MFAP3L: variants seen among roughly 807,000 people sequenced by gnomAD.
MFAP3L encodes microfibrillar-associated protein 3-like.
Under a neutral mutation model 20.0 loss-of-function variants are expected in MFAP3L, and 5 were observed. The observed-to-expected ratio is 0.25, with a 90% CI of 0.13 to 0.53. The LOEUF is 0.53. Ranked by LOEUF, MFAP3L falls within the 20% of genes least tolerant of loss-of-function variation. The pLI, the probability that MFAP3L is intolerant of heterozygous loss-of-function variation, is 0.96. For synonymous variants in MFAP3L, 219 were observed against 213.0 expected, an observed-to-expected ratio of 1.03 and a Z score of -0.25; for missense variants, 409 against 527.5, an observed-to-expected ratio of 0.78 and a Z score of 2.20.
At chr4:169,996,655 G>C (rs934225300) in intron 2 of MFAP3L, among the ~76,000 whole-genome samples, 35 of 152,142 alleles carry the variant, frequency 2.3e-4, no homozygotes, top group African/African-American at 8.4e-4. Flanking sequence ...AGAACACTGT[G>C]AGCCGCTGGA....
chr4:170,015,843 G>A (rs1021700416), intron 1 of MFAP3L, among the ~76,000 whole-genome samples: 1 of 152,146 alleles, frequency 6.6e-6, no homozygotes, highest in Non-Finnish European at 1.5e-5. Flanking sequence ...CTTAGTGCCT[G>A]TAGCCATGCC....
rs1737523975 is a variant in MFAP3L at position 169,989,713 on chromosome 4, A to G, written c.*1665T>C. The G allele has an allele frequency of 6.6e-6, 1 of 152,176 alleles. No individual in the cohort carries two copies. The highest frequency in any genetic ancestry group is 2.4e-5 in the African/African-American group (1 of 41,446). 9.4% of individuals were successfully genotyped at this position (152,176 alleles called of 1,614,324 possible). ...TCTCATCACCAATGTGATCCATGCA[A>G]TCTTGGACATCATAACCCCATTACC... On this transcript the variant is annotated 3_prime_UTR_variant, in exon 3 of 3. Coordinates refer to ENST00000361618, the MANE Select transcript of MFAP3L (RefSeq NM_021647.8).
intron 1 of MFAP3L, among the ~76,000 whole-genome samples, chr4:170,011,960 C>T (rs755805683): frequency 6.6e-6 from 1 of 152,118 alleles, no homozygotes; most frequent in Non-Finnish European, 1.5e-5. Flanking sequence ...TGTAATTAGG[C>T]ACTGATGGCC....
intron 2 of MFAP3L, among the ~76,000 whole-genome samples, chr4:170,000,714 T>G (rs1738551591): frequency 6.6e-6 from 1 of 152,212 alleles, no homozygotes; most frequent in African/African-American, 2.4e-5. Flanking sequence ...AAATTGTGTT[T>G]GCTACCATTT....
At position 169,991,096 on chromosome 4, in the gene MFAP3L, C is replaced by T; in HGVS notation, c.*282G>A. The stretch of plus-strand genomic sequence containing the variant: ...GTACTCTTTGCCAAGAAGGCATCAC[C>T]AATTAAGGTATTTGGCAGAGATCAG... On this transcript the variant is annotated 3_prime_UTR_variant, in exon 3 of 3. Coordinates refer to ENST00000361618, the MANE Select transcript of MFAP3L (RefSeq NM_021647.8). This position sits in a 1 kb window ranked among gnomAD's most constrained non-coding sequence, Gnocchi z 4.9. 2.2e-6 allele frequency: 1 copy of T among 458,388 alleles called. No individual in the cohort carries two copies. The allele number at this position is 458,388 out of a possible 1,614,324, so 28.4% of individuals were successfully genotyped here. A position where few individuals can be genotyped will look rare whatever the true frequency, so the allele number is the denominator to read the frequency against.
At chr4:170,003,835 C>T in intron 2 of MFAP3L, 8 of 985,492 alleles carry the variant, frequency 8.1e-6, no homozygotes, top group Non-Finnish European at 9.6e-6. Context: ...CCTCCATTCA[C>T]AAGTGTGACA....
At chr4:170,015,024 CCTG>C (rs1281423242) in intron 1 of MFAP3L, among the ~76,000 whole-genome samples, 2 of 152,172 alleles carry the variant, frequency 1.3e-5, no homozygotes, top group Non-Finnish European at 2.9e-5. Flanking sequence ...CTGCAGGTCT[CCTG>C]CAGCCGTGGA....
In MFAP3L at chr4:169,997,783, C is replaced by T. The variant is rs571743930; in HGVS notation, c.299-5474G>A. On this transcript the variant is annotated intron_variant, in intron 2 of 2. Coordinates refer to ENST00000361618, the MANE Select transcript of MFAP3L (RefSeq NM_021647.8). ...CTGGATGGCCGACTCCTGCCCAGCT[C>T]GGCCTCCTTTCATTAATTCTTTTTT... The T allele has an allele frequency of 2.0e-5, 20 of 980,520 alleles. No homozygotes were observed. In the East Asian group the frequency reaches 1.2e-3, roughly 57 times the overall value. The allele number at this position is 980,520 out of a possible 1,614,324, so 60.7% of individuals were successfully genotyped here.
chr4:170,002,654 T>C (rs900031922), intron 2 of MFAP3L, among the ~76,000 whole-genome samples: 16 of 151,846 alleles, frequency 1.1e-4, no homozygotes, highest in African/African-American at 3.9e-4. Context: ...GGATTACAGA[T>C]ATGCACCGCC....
At chr4:170,012,886 A>G (rs1008865086) in intron 1 of MFAP3L, among the ~76,000 whole-genome samples, 1 of 152,154 alleles carries the variant, frequency 6.6e-6, no homozygotes, top group Admixed American at 6.5e-5. Flanking sequence ...CCATGGAACA[A>G]CTGAGAGGGG....
At position 169,988,257 on chromosome 4, in the gene MFAP3L, AC is replaced by A. The variant is rs1737410584; in HGVS notation, c.*3120del. ...GAGATATGAAAATATAATATATAAAACAAAACCATTATAAATTACATAGATT... is the reference window on the plus strand; with the variant it reads ...GAGATATGAAAATATAATATATAAAAAAAACCATTATAAATTACATAGATT... On this transcript the variant is annotated 3_prime_UTR_variant, in exon 3 of 3. Transcript: ENST00000361618. 2.6e-5 allele frequency: 4 copies of A among 152,216 alleles called. No individual in the cohort carries two copies. The highest frequency in any genetic ancestry group is 2.6e-4 in the Admixed American group (4 of 15,286). 9.4% of individuals were successfully genotyped at this position (152,216 alleles called of 1,614,324 possible). A position where few individuals can be genotyped will look rare whatever the true frequency, so the allele number is the denominator to read the frequency against.
Position 169,987,531 on chromosome 4 carries a change from A to T in MFAP3L, c.*3847T>A, listed in dbSNP as rs1341196555. 2.6e-5 allele frequency: 4 copies of T among 152,174 alleles called. No homozygotes were observed. The highest frequency in any genetic ancestry group is 9.7e-5 in the African/African-American group (4 of 41,450). The allele number at this position is 152,174 out of a possible 1,614,324, so 9.4% of individuals were successfully genotyped here. ...AAAAGAACCACAGTGACTGCCACTG[A>T]AGAGTTTTAGCACTGATCAACACTG... On this transcript the variant is annotated 3_prime_UTR_variant, in exon 3 of 3. Coordinates refer to ENST00000361618, the MANE Select transcript of MFAP3L (RefSeq NM_021647.8).
At chr4:170,007,999 G>A (rs990128291) in intron 1 of MFAP3L, among the ~76,000 whole-genome samples, 2 of 152,136 alleles carry the variant, frequency 1.3e-5, no homozygotes, top group African/African-American at 4.8e-5. Context: ...TTCAAACAGA[G>A]GCTCTCCACA....
chr4:170,026,137 G>C, intron 1 of MFAP3L, 97 bp downstream of exon 1: 3 of 721,774 alleles, frequency 4.2e-6, no homozygotes, highest in South Asian at 6.2e-5. Context: ...ACACCCGAAA[G>C]TTCGGCGGCC....
chr4:169,988,148 T>C lies in MFAP3L; in HGVS notation c.*3230A>G, dbSNP rs1181414677. 1 of 152,210 alleles carries C rather than the reference T, an allele frequency of 6.6e-6. No individual in the cohort carries two copies. Among genetic ancestry groups the C allele is most frequent in the East Asian group, 1.9e-4 (1 of 5,198 alleles). The allele number at this position is 152,210 out of a possible 1,614,324, so 9.4% of individuals were successfully genotyped here. ...AAGCTATATATCACATGTATCACGT[T>C]TGGTTCCTAGAGATTTTAGTCAAGT... On this transcript the variant is annotated 3_prime_UTR_variant, in exon 3 of 3. Transcript: ENST00000361618.
chr4:170,002,851 A>AC (rs961773434), intron 2 of MFAP3L, among the ~76,000 whole-genome samples: 7 of 151,876 alleles, frequency 4.6e-5, no homozygotes, highest in East Asian at 3.9e-4. Context: ...ATTTAAAAAA[A>AC]AAAACAAAAA....
rs777070867 is a variant in MFAP3L, at chr4:169,992,295, G to T, written c.313C>A (p.His105Asn). The T allele has an allele frequency of 2.5e-6, 4 of 1,606,912 alleles. No homozygotes were observed. In the South Asian group the frequency reaches 3.3e-5, roughly 13 times the overall value. Reference protein sequence around the residue: ...KERGGGKWQMHDSGLLNITKV... With the variant: ...KERGGGKWQMNDSGLLNITKV... ...GTGATGTTCAGGAGGCCGCTGTCGTGCATTTGCCATTTTCCTGTCGGAAGG... is the reference window on the plus strand; with the variant it reads ...GTGATGTTCAGGAGGCCGCTGTCGTTCATTTGCCATTTTCCTGTCGGAAGG... The change falls in exon 3 of 3, where the codon CAC becomes AAC. Residue 105 changes from histidine to asparagine, a missense_variant. Transcript: ENST00000361618. The surrounding 1 kb of genome is among the most constrained non-coding windows in gnomAD (Gnocchi z 4.3).
chr4:170,013,509 T>A (rs1414719215), intron 1 of MFAP3L, among the ~76,000 whole-genome samples: 9 of 151,772 alleles, frequency 5.9e-5, no homozygotes, highest in African/African-American at 2.2e-4. Flanking sequence ...TGTATTTTCA[T>A]AAAGGTTTTT....
intron 1 of MFAP3L, among the ~76,000 whole-genome samples, chr4:170,012,846 G>A (rs1270847143): frequency 1.3e-5 from 2 of 152,200 alleles, no homozygotes; most frequent in African/African-American, 4.8e-5. Context: ...CTGGATTGCT[G>A]TGAACAGCCA....
Sources: gnomAD v4.1 joint callset for allele counts (sites outside exome capture counted in the v4.1 genomes callset) on GRCh38, gnomAD v4.1.1 for gene constraint, Gnocchi (gnomAD v3.1) non-coding constraint, MANE v1.5 for transcripts, NCBI Gene and HGNC (gene_info 2026-07-23, HGNC 2026-07-21) for gene names.